The following TRAK1 variants were observed in gnomAD, a reference collection of about 807,000 sequenced individuals.
TRAK1 encodes trafficking kinesin-binding protein 1.
A neutral mutation model predicts 92.1 loss-of-function variants in TRAK1; 33 were observed. The observed-to-expected ratio is 0.36, with a 90% CI of 0.27 to 0.48. The LOEUF is 0.48. Ranked by LOEUF, TRAK1 falls within the 20% of genes least tolerant of loss-of-function variation. The pLI, the probability that TRAK1 is intolerant of heterozygous loss-of-function variation, is 0.99. For missense variants in TRAK1, 1,123 were observed against 1,257.9 expected, an observed-to-expected ratio of 0.89 and a Z score of 1.62; for synonymous variants, 521 against 517.3, an observed-to-expected ratio of 1.01 and a Z score of -0.10.
intron 15 of TRAK1, among the ~76,000 whole-genome samples, chr3:42,220,162 G>T (rs1710201922): frequency 6.6e-6 from 1 of 152,130 alleles, no homozygotes; most frequent in African/African-American, 2.4e-5. Context: ...AACCCCTTGT[G>T]CCTCTGGAAT....
chr3:42,082,670 CAA>C (rs1374305332), upstream of TRAK1, among the ~76,000 whole-genome samples: 2 of 150,662 alleles, frequency 1.3e-5, no homozygotes, highest in African/African-American at 4.9e-5. Flanking sequence ...AAAAAAAACA[CAA>C]AAAACCAAAA....
intron 2 of TRAK1, among the ~76,000 whole-genome samples, chr3:42,173,336 G>T (rs550233616): frequency 5.9e-5 from 9 of 152,300 alleles, no homozygotes; most frequent in African/African-American, 2.2e-4. Flanking sequence ...TGAAGATTTA[G>T]TGCCTAGGAA....
In TRAK1 at chr3:42,202,305, C is replaced by A; in HGVS notation, c.1428-131C>A. The stretch of plus-strand genomic sequence containing the variant: ...TTTCCCCCTGTTGCCTAAATGTCAA[C>A]TGCTTGCCTTGGTTCCCATGGAGAA... On this transcript the variant is annotated intron_variant, in intron 12 of 15. Transcript: ENST00000327628. This position sits in a 1 kb window ranked among gnomAD's most constrained non-coding sequence, Gnocchi z 6.1. 2 of 1,017,162 alleles carry A rather than the reference C, an allele frequency of 2.0e-6. No individual in the cohort carries two copies. Among genetic ancestry groups the A allele is most frequent in the Non-Finnish European group, 2.6e-6 (2 of 764,370 alleles). The allele number at this position is 1,017,162 out of a possible 1,614,324, so 63.0% of individuals were successfully genotyped here. A position where few individuals can be genotyped will look rare whatever the true frequency, so the allele number is the denominator to read the frequency against.
intron 2 of TRAK1, among the ~76,000 whole-genome samples, chr3:42,174,310 C>T (rs1399663286): frequency 5.3e-5 from 8 of 152,156 alleles, no homozygotes; most frequent in Admixed American, 1.3e-4. Flanking sequence ...CATGAACCAA[C>T]ACAGGTAATA....
At chr3:42,196,387 TG>T (rs766044474) in intron 10 of TRAK1, among the ~76,000 whole-genome samples, 10 of 151,828 alleles carry the variant, frequency 6.6e-5, no homozygotes, top group Non-Finnish European at 1.2e-4. Flanking sequence ...AGACGAAATT[TG>T]GGGGGGGCCT....
chr3:42,223,463 T>C lies in TRAK1; in HGVS notation c.2588T>C (p.Val863Ala). The C allele has an allele frequency of 6.2e-7, 1 of 1,613,858 alleles. No homozygotes were observed. Among genetic ancestry groups the C allele is most frequent in the African/African-American group, 1.3e-5 (1 of 75,008 alleles). The change falls in exon 16 of 16, where the codon GTC (valine) becomes GCC (alanine). Residue 863 changes from valine to alanine, a missense_variant. This residue lies in a region of TRAK1 where 401 missense variants were observed against 438.9 expected (regional missense o/e 0.91). Transcript: ENST00000327628. This position sits in a 1 kb window ranked among gnomAD's most constrained non-coding sequence, Gnocchi z 6.1. ...GTGGTGAACTCAGGGCGAGCCCATG[T>C]CCCCACCTTGACTGAGGAGCAGGGA... ...AKVVNSGRAHVPTLTEEQGPL... is the reference protein window; with the variant it reads ...AKVVNSGRAHAPTLTEEQGPL...
Position 42,062,787 on chromosome 3 carries a change from A to G in TRAK1, c.-518-24317A>G, listed in dbSNP as rs115195386. On this transcript the variant is annotated intron_variant, in intron 1 of 16. Coordinates refer to the TRAK1 transcript ENST00000487159. Reference sequence around the variant, plus strand: ...TGAAGTCTTCACTTTGTTGGAAAACAGTGCCTGACACTCCCTTGTGTCCTG... The same window carrying G: ...TGAAGTCTTCACTTTGTTGGAAAACGGTGCCTGACACTCCCTTGTGTCCTG... 3.4e-3 allele frequency among the ~76,000 whole-genome samples: 516 copies of G among 152,334 alleles called. 4 individuals are homozygous for G. Among genetic ancestry groups the G allele is most frequent in the African/African-American group, 0.012 (485 of 41,568 alleles).
chr3:42,194,141 C>CA (rs1706233375), intron 9 of TRAK1, among the ~76,000 whole-genome samples: 1 of 152,100 alleles, frequency 6.6e-6, no homozygotes, highest in Non-Finnish European at 1.5e-5. Context: ...TGCAGGTGTC[C>CA]AAAAAATGTT....
At chr3:42,149,598 T>C (rs1466130387) in intron 2 of TRAK1, 5 of 1,535,868 alleles carry the variant, frequency 3.3e-6, no homozygotes, top group Admixed American at 2.0e-5. Flanking sequence ...AATGCTCGGA[T>C]GGTAATTATG....
chr3:42,157,703 CAG>C (rs1349280248), intron 2 of TRAK1, among the ~76,000 whole-genome samples: 1 of 152,056 alleles, frequency 6.6e-6, no homozygotes, highest in African/African-American at 2.4e-5. Context: ...TATGAAGACT[CAG>C]AAATTGTTCC....
At chr3:42,218,490 A>G (rs960861475) in intron 14 of TRAK1, 4 of 983,534 alleles carry the variant, frequency 4.1e-6, no homozygotes, top group African/African-American at 1.8e-5. Flanking sequence ...TTCATCGTGC[A>G]TGCTATTTCG....
In TRAK1 at chr3:42,202,606, T is replaced by C. The variant is rs756597810; in HGVS notation, c.1598T>C (p.Leu533Pro). 1.4e-5 allele frequency: 22 copies of C among 1,594,860 alleles called. No homozygotes were observed. In the East Asian group the frequency reaches 4.3e-4, roughly 31 times the overall value. The change falls in exon 13 of 16, where the codon CTG becomes CCG. Residue 533 changes from leucine (L) to proline (P), a missense_variant. Leu to Pro is a moderately conservative substitution (Grantham distance 98, BLOSUM62 -3). Transcript: ENST00000327628. This position sits in a 1 kb window ranked among gnomAD's most constrained non-coding sequence, Gnocchi z 6.1. ...KLQELAEKGE[L>P]RSGSLTPTES... is the part of the protein sequence containing the mutation. Reference sequence around the variant, plus strand: ...CAGGAGCTGGCGGAGAAGGGCGAGCTGCGCAGCGGCTCCCTCACACCCACT... The same window carrying C: ...CAGGAGCTGGCGGAGAAGGGCGAGCCGCGCAGCGGCTCCCTCACACCCACT...
intron 1 of TRAK1, among the ~76,000 whole-genome samples, chr3:42,118,675 TCCC>T (rs1709472164): frequency 1.3e-5 from 2 of 152,228 alleles, no homozygotes; most frequent in South Asian, 4.1e-4. Context: ...CTTTCTTCAC[TCCC>T]TGGTGGCCCT....
At chr3:42,045,348 A>G (rs555355461) in intron 1 of TRAK1, among the ~76,000 whole-genome samples, 1 of 152,306 alleles carries the variant, frequency 6.6e-6, no homozygotes, top group East Asian at 1.9e-4. Context: ...CAGCCTGGCC[A>G]ACATGACGAA....
chr3:42,171,966 A>G (rs1271403998), intron 2 of TRAK1, among the ~76,000 whole-genome samples: 2 of 152,040 alleles, frequency 1.3e-5, no homozygotes, highest in Non-Finnish European at 2.9e-5. Context: ...CTCCACCTCC[A>G]TCCCCCCTCT....
At chr3:42,123,595 T>C (rs975973227) in intron 1 of TRAK1, among the ~76,000 whole-genome samples, 2 of 152,270 alleles carry the variant, frequency 1.3e-5, no homozygotes, top group African/African-American at 4.8e-5. Context: ...ACTGGGCCTT[T>C]CTCCTTTAAT....
chr3:42,164,785 G>A (rs1166273354), intron 2 of TRAK1, among the ~76,000 whole-genome samples: 2 of 152,108 alleles, frequency 1.3e-5, no homozygotes, highest in African/African-American at 4.8e-5. Context: ...ATTTAGAGGA[G>A]GGCTCTTCTG....
chr3:42,046,855 G>A (rs756098765), intron 1 of TRAK1, among the ~76,000 whole-genome samples: 5 of 152,092 alleles, frequency 3.3e-5, no homozygotes, highest in South Asian at 2.1e-4. Flanking sequence ...CAATATGTGC[G>A]TGCTTTTTGG....
rs773196347 is a variant in TRAK1, at chr3:42,202,771, G to C, written c.1744+19G>C. ...CTGGAAGGTGATCACGCGGGGCCTCGGCCCCTCTCTGTCCTCCTGGGGGAC... is the reference window on the plus strand; with the variant it reads ...CTGGAAGGTGATCACGCGGGGCCTCCGCCCCTCTCTGTCCTCCTGGGGGAC... On this transcript the variant is annotated intron_variant, in intron 13 of 15. Transcript: ENST00000327628. This position sits in a 1 kb window ranked among gnomAD's most constrained non-coding sequence, Gnocchi z 6.1. 60 of 1,612,380 alleles carry C rather than the reference G, an allele frequency of 3.7e-5. No homozygotes were observed. In the East Asian group the frequency reaches 8.3e-4, roughly 22 times the overall value.
Sources: allele counts gnomAD v4.1 joint callset (sites outside exome capture counted in the v4.1 genomes callset), GRCh38; gene constraint gnomAD v4.1.1; regional missense constraint gnomAD v4.1.1; non-coding constraint Gnocchi (gnomAD v3.1); transcripts MANE v1.5; gene names NCBI Gene and HGNC (gene_info 2026-07-23, HGNC 2026-07-21).